Variants in AFTPH observed in about 807,000 individuals in gnomAD.
The protein encoded by AFTPH is aftiphilin protein.
In AFTPH, 7 loss-of-function variants were observed where a neutral mutation model predicts 72.5. The ratio of observed to expected loss-of-function variants is 0.10; its 90% CI spans 0.05 to 0.18. The LOEUF (loss-of-function observed/expected upper bound fraction) is 0.18. Among genes scored for constraint, AFTPH ranks in the 10% least tolerant of loss-of-function variants. The pLI is 1.00. For synonymous variants in AFTPH, 337 were observed against 370.1 expected, an observed-to-expected ratio of 0.91 and a Z score of 1.03; for missense variants, 979 against 1,060.5, an observed-to-expected ratio of 0.92 and a Z score of 1.07.
chr2:64,570,938 C>G (rs1304198247), intron 5 of AFTPH, among the ~76,000 whole-genome samples: 3 of 102,240 alleles, frequency 2.9e-5, no homozygotes, highest in Non-Finnish European at 5.4e-5. Context: ...CACCTTTTTT[C>G]CAGTTTTTCA....
At chr2:64,579,450 A>G (rs781587296) in intron 6 of AFTPH, 36 bp from the exon 7 acceptor site, 2 of 1,576,724 alleles carry the variant, frequency 1.3e-6, no homozygotes, top group African/African-American at 2.7e-5. Flanking sequence ...TACAACCTGT[A>G]CTGATTAATT....
At chr2:64,569,913 AATATTAGCAT>A (rs1283421385) in intron 5 of AFTPH, among the ~76,000 whole-genome samples, 27 of 152,354 alleles carry the variant, frequency 1.8e-4, no homozygotes, top group Non-Finnish European at 3.1e-4. Flanking sequence ...TTATCTTAGT[AATATTAGCAT>A]ATATAACTGT....
At chr2:64,592,185 G>C in exon 9 of AFTPH, 1 of 648,956 alleles carries the variant, frequency 1.5e-6, no homozygotes, top group Non-Finnish European at 2.4e-6. Context: ...GGTATACATA[G>C]TAATGTATAT....
At chr2:64,548,220 C>A (rs1320467261) in intron 1 of AFTPH, among the ~76,000 whole-genome samples, 1 of 145,236 alleles carries the variant, frequency 6.9e-6, no homozygotes, top group South Asian at 2.1e-4. Flanking sequence ...GGTGAAACCC[C>A]GTCTCTACTA....
At chr2:64,585,574 A>T (rs1673457017) in intron 8 of AFTPH, 29 bp downstream of exon 9, 1 of 1,571,054 alleles carries the variant, frequency 6.4e-7, no homozygotes. Flanking sequence ...TTATACCCAC[A>T]TTTTGAATTC....
intron 2 of AFTPH, among the ~76,000 whole-genome samples, chr2:64,557,125 T>G: frequency 6.6e-6 from 1 of 152,166 alleles, no homozygotes; most frequent in East Asian, 1.9e-4. Flanking sequence ...TTTTTTAACT[T>G]TTTTGTTTCA....
At chr2:64,538,141 C>T (rs1669988228) in intron 1 of AFTPH, among the ~76,000 whole-genome samples, 1 of 151,772 alleles carries the variant, frequency 6.6e-6, no homozygotes, top group Admixed American at 6.6e-5. Context: ...GTTGGGTCAT[C>T]ATGTAAAATG....
chr2:64,577,648 G>T (rs951577273), intron 6 of AFTPH, among the ~76,000 whole-genome samples: 9 of 152,210 alleles, frequency 5.9e-5, no homozygotes, highest in African/African-American at 2.2e-4. Flanking sequence ...CTGCTAGAAT[G>T]CTTAGAGATG....
chr2:64,541,924 CATT>C (rs1189413549), intron 1 of AFTPH, among the ~76,000 whole-genome samples: 1 of 152,182 alleles, frequency 6.6e-6, no homozygotes, highest in Non-Finnish European at 1.5e-5. Flanking sequence ...CTATTGAAGT[CATT>C]AGCATATTTC....
chr2:64,564,053 T>A (rs1331683742), intron 2 of AFTPH, among the ~76,000 whole-genome samples: 1 of 152,206 alleles, frequency 6.6e-6, no homozygotes, highest in Non-Finnish European at 1.5e-5. Flanking sequence ...CAGGTTTCAT[T>A]TATATAAGAG....
At chr2:64,536,097 A>G (rs987473637) in intron 1 of AFTPH, among the ~76,000 whole-genome samples, 2 of 152,234 alleles carry the variant, frequency 1.3e-5, no homozygotes, top group Non-Finnish European at 2.9e-5. Context: ...CCTTTTGAGT[A>G]GAGGTTGAAT....
intron 3 of AFTPH, among the ~76,000 whole-genome samples, chr2:64,568,755 A>AC (rs1448532524): frequency 6.6e-6 from 1 of 152,066 alleles, no homozygotes; most frequent in African/African-American, 2.4e-5. Context: ...GATTACAGGC[A>AC]CCCAGCACCA....
chr2:64,582,374 G>T (rs1322990823), intron 7 of AFTPH, among the ~76,000 whole-genome samples: 2 of 152,146 alleles, frequency 1.3e-5, no homozygotes, highest in Non-Finnish European at 2.9e-5. Context: ...TTGAGATCTG[G>T]TTATGCAAAT....
intron 2 of AFTPH, among the ~76,000 whole-genome samples, chr2:64,560,026 G>A (rs1012362460): frequency 1.3e-5 from 2 of 152,120 alleles, no homozygotes; most frequent in African/African-American, 4.8e-5. Flanking sequence ...TTGACCAAAT[G>A]TCTGGGCACC....
At chr2:64,580,966 T>A (rs1673162017) in intron 7 of AFTPH, 1 of 341,920 alleles carries the variant, frequency 2.9e-6, no homozygotes, top group African/African-American at 2.2e-5. Flanking sequence ...ACATTGTACA[T>A]GAGAAAATGT....
chr2:64,559,015 G>A (rs181171053), intron 2 of AFTPH, among the ~76,000 whole-genome samples: 14 of 152,288 alleles, frequency 9.2e-5, no homozygotes, highest in Admixed American at 9.2e-4. Context: ...CTCCACACAG[G>A]TAGTGGCTGC....
At chr2:64,587,286 T>C (rs1673576364) in intron 8 of AFTPH, among the ~76,000 whole-genome samples, 1 of 152,222 alleles carries the variant, frequency 6.6e-6, no homozygotes, top group Non-Finnish European at 1.5e-5. Context: ...CTGTCCAGCA[T>C]CATATTTAAA....
At chr2:64,572,370 T>A (rs1171878909) in intron 5 of AFTPH, among the ~76,000 whole-genome samples, 1 of 152,200 alleles carries the variant, frequency 6.6e-6, no homozygotes, top group Non-Finnish European at 1.5e-5. Flanking sequence ...GATCAAATAT[T>A]AAGTTTACAC....
chr2:64,564,245 G>A (rs1304046228), intron 2 of AFTPH, among the ~76,000 whole-genome samples: 1 of 152,166 alleles, frequency 6.6e-6, no homozygotes, highest in African/African-American at 2.4e-5. Context: ...AATCATGGTA[G>A]AGAAACATTC....
Sources: gnomAD v4.1 joint callset for allele counts (sites outside exome capture counted in the v4.1 genomes callset) on GRCh38, gnomAD v4.1.1 for gene constraint, MANE v1.5 for transcripts, NCBI Gene and HGNC (gene_info 2026-07-23, HGNC 2026-07-21) for gene names.